ADAM12: variants seen among roughly 807,000 people sequenced by gnomAD.
ADAM12 encodes disintegrin and metalloproteinase domain-containing protein 12.
ADAM12 carries 70 observed loss-of-function variants against 106.4 expected under a neutral mutation model. The observed-to-expected ratio is 0.66, with a 90% CI of 0.54 to 0.80. The LOEUF is 0.80. Ranked by LOEUF, ADAM12 falls within the 30% of genes least tolerant of loss-of-function variation. The probability of loss-of-function intolerance (pLI) is 0.00; values close to 1 mark genes in which losing one functional copy is unlikely to be tolerated. For synonymous variants in ADAM12, 420 were observed against 433.5 expected, an observed-to-expected ratio of 0.97 and a Z score of 0.39; for missense variants, 1,010 against 1,171.9, an observed-to-expected ratio of 0.86 and a Z score of 2.02.
At chr10:126,273,035 CTT>C (rs1435366186) in intron 3 of ADAM12, 1 of 153,734 alleles carries the variant, frequency 6.5e-6, no homozygotes, top group African/African-American at 2.4e-5. Context: ...GCTTTTACGA[CTT>C]TTGATCTTCT....
In ADAM12 at chr10:126,269,966, C is replaced by T. The variant is rs940938578; in HGVS notation, c.260+8949G>A. 2.0e-5 allele frequency among the ~76,000 whole-genome samples: 3 copies of T among 152,122 alleles called. No homozygotes were observed. The South Asian group carries it at 6.2e-4, about 32-fold the overall frequency. Reference sequence around the variant, plus strand: ...AAAATGGTGTTCTGACCTTCTTCAACGTCTATACAACTTCAAAGAATGAAA... The same window carrying T: ...AAAATGGTGTTCTGACCTTCTTCAATGTCTATACAACTTCAAAGAATGAAA... On this transcript the variant is annotated intron_variant, in intron 3 of 22. Transcript: ENST00000448723.
chr10:126,349,455 A>G (rs1855273145), intron 1 of ADAM12, among the ~76,000 whole-genome samples: 1 of 152,212 alleles, frequency 6.6e-6, no homozygotes, highest in Non-Finnish European at 1.5e-5. Flanking sequence ...TGGCTCAACA[A>G]CAAATGATGT....
chr10:126,373,053 T>C (rs1296201233), intron 1 of ADAM12, among the ~76,000 whole-genome samples: 2 of 152,230 alleles, frequency 1.3e-5, no homozygotes, highest in Non-Finnish European at 2.9e-5. Context: ...GATTTTCCTG[T>C]AGATAAATTA....
intron 2 of ADAM12, among the ~76,000 whole-genome samples, chr10:126,308,096 C>T (rs1349957287): frequency 6.6e-6 from 1 of 152,024 alleles, no homozygotes; most frequent in Non-Finnish European, 1.5e-5. Context: ...TCTAGTAAGG[C>T]TCAGTCCAAG....
At chr10:126,371,161 T>C (rs570373166) in intron 1 of ADAM12, among the ~76,000 whole-genome samples, 3 of 152,340 alleles carry the variant, frequency 2.0e-5, no homozygotes, top group Non-Finnish European at 2.9e-5. Context: ...AGAGTGGTCA[T>C]AGTGCCTGCC....
chr10:126,274,596 A>T (rs1959204543), intron 3 of ADAM12, among the ~76,000 whole-genome samples: 1 of 152,228 alleles, frequency 6.6e-6, no homozygotes, highest in African/African-American at 2.4e-5. Context: ...TGCCAAGCAC[A>T]ATTATTCCCC....
chr10:126,093,398 G>A lies in ADAM12; in HGVS notation c.1145+587C>T, dbSNP rs768955938. ...TCAGGAAAGCATTAAATAAGGAACA[G>A]CATTGTAATATACCAAAGCAGAGAA... On this transcript the variant is annotated intron_variant, in intron 11 of 22. Transcript: ENST00000448723. 9.8e-4 allele frequency among the ~76,000 whole-genome samples: 149 copies of A among 152,304 alleles called. 1 individual carries two copies. The highest frequency in any genetic ancestry group is 4.1e-3 in the Admixed American group (63 of 15,300).
At chr10:126,018,592 A>G (rs1173391653) in intron 22 of ADAM12, among the ~76,000 whole-genome samples, 1 of 152,190 alleles carries the variant, frequency 6.6e-6, no homozygotes, top group African/African-American at 2.4e-5. Flanking sequence ...TTTGTTTCTA[A>G]TATAAAATAT....
chr10:126,103,797 G>A (rs181939668), intron 8 of ADAM12, among the ~76,000 whole-genome samples: 2 of 152,236 alleles, frequency 1.3e-5, no homozygotes, highest in Non-Finnish European at 1.5e-5. Context: ...CAGCTGAAGC[G>A]ATTCACCTGT....
At chr10:126,327,011 T>C (rs1854327016) in intron 2 of ADAM12, among the ~76,000 whole-genome samples, 1 of 152,178 alleles carries the variant, frequency 6.6e-6, no homozygotes, top group Non-Finnish European at 1.5e-5. Context: ...CAAAGTGCTT[T>C]GAGACAAAGC....
At chr10:126,287,237 G>GGCAC (rs1291409811) in intron 2 of ADAM12, among the ~76,000 whole-genome samples, 1 of 152,148 alleles carries the variant, frequency 6.6e-6, no homozygotes, top group Admixed American at 6.5e-5. Flanking sequence ...CAGTCCACCA[G>GGCAC]GCACGTGCAT....
At chr10:126,046,342 T>G (rs562008648) in intron 16 of ADAM12, among the ~76,000 whole-genome samples, 1 of 152,330 alleles carries the variant, frequency 6.6e-6, no homozygotes, top group Admixed American at 6.5e-5. Context: ...ACTCAGCACA[T>G]TTTGAGACTA....
intron 3 of ADAM12, among the ~76,000 whole-genome samples, chr10:126,223,072 A>G (rs1216761871): frequency 6.6e-6 from 1 of 152,232 alleles, no homozygotes. Flanking sequence ...TTATTCAAAC[A>G]TGAAAAATAG....
At chr10:126,018,918 C>A (rs1389806707) in intron 22 of ADAM12, among the ~76,000 whole-genome samples, 1 of 152,176 alleles carries the variant, frequency 6.6e-6, no homozygotes, top group East Asian at 1.9e-4. Context: ...GTCTCAGGAC[C>A]TCAGGAACTG....
At chr10:126,272,854 T>C in intron 3 of ADAM12, 1 of 411,944 alleles carries the variant, frequency 2.4e-6, no homozygotes, top group South Asian at 2.0e-5. Flanking sequence ...CAATGGCTTC[T>C]ACAGTGTGCT....
At chr10:126,366,396 G>T (rs1855911719) in intron 1 of ADAM12, among the ~76,000 whole-genome samples, 1 of 151,872 alleles carries the variant, frequency 6.6e-6, no homozygotes, top group Non-Finnish European at 1.5e-5. Context: ...CTAAGTTAAA[G>T]ATACATATTC....
intron 3 of ADAM12, among the ~76,000 whole-genome samples, chr10:126,211,209 C>G (rs929526877): frequency 1.3e-5 from 2 of 152,166 alleles, no homozygotes; most frequent in African/African-American, 2.4e-5. Flanking sequence ...CAGGGCACTC[C>G]CTGTCCAGGT....
At chr10:126,110,483 A>C (rs1373110663) in intron 6 of ADAM12, among the ~76,000 whole-genome samples, 1 of 152,168 alleles carries the variant, frequency 6.6e-6, no homozygotes, top group African/African-American at 2.4e-5. Flanking sequence ...ATGAGGAGAA[A>C]AAAAAAAGAG....
At chr10:126,335,432 A>G (rs1854665825) in intron 1 of ADAM12, among the ~76,000 whole-genome samples, 1 of 152,234 alleles carries the variant, frequency 6.6e-6, no homozygotes, top group African/African-American at 2.4e-5. Flanking sequence ...TTTGCCAAGA[A>G]GCCAGGGACA....
Sources: gnomAD v4.1 joint callset for allele counts (sites outside exome capture counted in the v4.1 genomes callset) on GRCh38, gnomAD v4.1.1 for gene constraint, MANE v1.5 for transcripts, NCBI Gene and HGNC (gene_info 2026-07-23, HGNC 2026-07-21) for gene names.